CNTN5: variants seen among roughly 807,000 people sequenced by gnomAD.
The protein encoded by CNTN5 is contactin 5, also known as contactin-5.
CNTN5 carries 77 observed loss-of-function variants against 129.1 expected under a neutral mutation model. The ratio of observed to expected loss-of-function variants is 0.60; its 90% CI spans 0.50 to 0.72. The LOEUF (loss-of-function observed/expected upper bound fraction) is 0.72. Ranked by LOEUF, CNTN5 falls within the 30% of genes least tolerant of loss-of-function variation. The pLI is 0.00. For synonymous variants in CNTN5, 509 were observed against 465.6 expected (o/e 1.09, Z -1.20); for missense variants, 1,478 against 1,328.8 (o/e 1.11, Z -1.75).
At chr11:99,681,504 A>G (rs537095772) in intron 3 of CNTN5, among the ~76,000 whole-genome samples, 1 of 152,256 alleles carries the variant, frequency 6.6e-6, no homozygotes, top group Admixed American at 6.5e-5. Context: ...CATTTGTGGA[A>G]GGCTTAGATG....
chr11:100,308,314 T>C (rs1021653409), intron 20 of CNTN5, 45 bp from the exon 21 acceptor site: 1 of 1,571,818 alleles, frequency 6.4e-7, no homozygotes, highest in African/African-American at 1.4e-5. Context: ...AATACTTTGA[T>C]GGACATAAAC....
intron 1 of CNTN5, among the ~76,000 whole-genome samples, chr11:99,140,926 A>G (rs897259906): frequency 6.6e-6 from 1 of 150,852 alleles, no homozygotes; most frequent in Non-Finnish European, 1.5e-5. Context: ...GTTTGCAGCT[A>G]TCTTCTTTAG....
intron 2 of CNTN5, among the ~76,000 whole-genome samples, chr11:99,395,396 T>C (rs1380390008): frequency 6.6e-6 from 1 of 151,918 alleles, no homozygotes; most frequent in African/African-American, 2.4e-5. Flanking sequence ...TGTTTGTTGG[T>C]TTTCTTGTAA....
chr11:99,583,870 C>T (rs924239652), intron 3 of CNTN5, among the ~76,000 whole-genome samples: 7 of 152,072 alleles, frequency 4.6e-5, no homozygotes, highest in Admixed American at 2.0e-4. Flanking sequence ...GAGATGAACT[C>T]GGTACCTCAG....
At chr11:100,173,797 G>A (rs2138419820) in intron 13 of CNTN5, among the ~76,000 whole-genome samples, 1 of 152,218 alleles carries the variant, frequency 6.6e-6, no homozygotes, top group South Asian at 2.1e-4. Flanking sequence ...CACCCAGAGT[G>A]GCAGCTATGT....
chr11:99,804,881 A>G (rs1299854169), intron 3 of CNTN5, among the ~76,000 whole-genome samples: 2 of 150,816 alleles, frequency 1.3e-5, no homozygotes, highest in South Asian at 2.1e-4. Context: ...TATATATGAG[A>G]AAAACCACCA....
At chr11:99,131,923 C>T (rs578020150) in intron 1 of CNTN5, among the ~76,000 whole-genome samples, 131 of 152,276 alleles carry the variant, frequency 8.6e-4, no homozygotes, top group African/African-American at 3.1e-3. Flanking sequence ...ATCTTGACAT[C>T]AAAACCTAGC....
intron 2 of CNTN5, among the ~76,000 whole-genome samples, chr11:99,436,335 T>C (rs764561826): frequency 1.1e-4 from 16 of 152,160 alleles, no homozygotes; most frequent in Non-Finnish European, 1.3e-4. Flanking sequence ...AAATGGAGGA[T>C]CAGAGAGATT....
Position 100,035,381 on chromosome 11 carries a change from T to C in CNTN5, c.981-25831T>C, listed in dbSNP as rs567731111. ...AATCCAGTCTATCATTGTTGGACAT[T>C]TGGGTTGGTTCCAAGTCTTTGCTAT... is the stretch of plus-strand genomic sequence containing the variant. On this transcript the variant is annotated intron_variant, in intron 9 of 24. Transcript: ENST00000524871. Among the ~76,000 whole-genome samples, 3 of 145,348 alleles carry C rather than the reference T, an allele frequency of 2.1e-5. No individual in the cohort carries two copies. In the South Asian group the frequency reaches 6.7e-4, roughly 32 times the overall value.
chr11:100,229,269 A>C (rs975487554), intron 16 of CNTN5, among the ~76,000 whole-genome samples: 1 of 152,208 alleles, frequency 6.6e-6, no homozygotes, highest in Non-Finnish European at 1.5e-5. Flanking sequence ...GTGTTGATGT[A>C]ATCACTAATT....
At chr11:99,182,688 T>C (rs1289943742) in intron 1 of CNTN5, among the ~76,000 whole-genome samples, 2 of 152,150 alleles carry the variant, frequency 1.3e-5, no homozygotes, top group Non-Finnish European at 2.9e-5. Context: ...GTTTACTCTC[T>C]AATAAGTTCC....
At chr11:99,903,388 T>C (rs1000117341) in intron 6 of CNTN5, among the ~76,000 whole-genome samples, 4 of 151,972 alleles carry the variant, frequency 2.6e-5, no homozygotes, top group African/African-American at 7.2e-5. Context: ...CAGGAATTCT[T>C]ATGCAGTTTG....
chr11:99,555,823 G>T (rs1948645936), intron 2 of CNTN5, among the ~76,000 whole-genome samples: 2 of 151,722 alleles, frequency 1.3e-5, no homozygotes, highest in African/African-American at 4.8e-5. Flanking sequence ...ATTTGTCTAA[G>T]GTAATAAATA....
At chr11:100,313,104 T>A (rs1040599715) in intron 21 of CNTN5, among the ~76,000 whole-genome samples, 8 of 152,016 alleles carry the variant, frequency 5.3e-5, no homozygotes, top group Non-Finnish European at 1.0e-4. Context: ...AAAAAGTTTG[T>A]CTTTTATTTG....
intron 3 of CNTN5, among the ~76,000 whole-genome samples, chr11:99,670,724 G>A (rs1193889270): frequency 6.6e-6 from 1 of 152,088 alleles, no homozygotes; most frequent in Admixed American, 6.6e-5. Flanking sequence ...GGGACCAAAT[G>A]GCCCTGCAAA....
intron 15 of CNTN5, among the ~76,000 whole-genome samples, chr11:100,201,115 A>G (rs1591386455): frequency 6.6e-6 from 1 of 152,076 alleles, no homozygotes; most frequent in South Asian, 2.1e-4. Flanking sequence ...TTGACAGTAA[A>G]GTCAATCCGA....
chr11:99,720,059 A>C (rs1943119338), intron 3 of CNTN5, among the ~76,000 whole-genome samples: 1 of 152,068 alleles, frequency 6.6e-6, no homozygotes, highest in Non-Finnish European at 1.5e-5. Context: ...AACAAAAAAA[A>C]CCCTGGGACC....
chr11:99,454,588 G>GC (rs1944428454), intron 2 of CNTN5, among the ~76,000 whole-genome samples: 1 of 152,004 alleles, frequency 6.6e-6, no homozygotes, highest in African/African-American at 2.4e-5. Flanking sequence ...CCGACCTATA[G>GC]CCCCTCCTCA....
chr11:100,291,044 A>G (rs1950951952), intron 18 of CNTN5, among the ~76,000 whole-genome samples: 1 of 149,264 alleles, frequency 6.7e-6, no homozygotes, highest in Admixed American at 6.7e-5. Context: ...AATGCAAATC[A>G]AAACCACAAT....
Sources: gnomAD v4.1 joint callset for allele counts (sites outside exome capture counted in the v4.1 genomes callset) on GRCh38, gnomAD v4.1.1 for gene constraint, MANE v1.5 for transcripts, NCBI Gene and HGNC (gene_info 2026-07-23, HGNC 2026-07-21) for gene names.